AKR1C3: variants seen among roughly 807,000 people sequenced by gnomAD.
AKR1C3 encodes 3-alpha hydroxysteroid dehydrogenase, type II.
AKR1C3 carries 48 observed loss-of-function variants against 43.6 expected under a neutral mutation model. The observed-to-expected ratio is 1.10, with a 90% CI of 0.87 to 1.40. The LOEUF (loss-of-function observed/expected upper bound fraction) is 1.40, where lower values mean the gene tolerates loss of function less well. Ranked by LOEUF, AKR1C3 falls within the 40% of genes most tolerant of loss-of-function variation. The probability of loss-of-function intolerance (pLI) is 0.00; values close to 1 mark genes in which losing one functional copy is unlikely to be tolerated. For synonymous variants in AKR1C3, 162 were observed against 139.6 expected (o/e 1.16, Z -1.13); for missense variants, 482 against 391.2 (o/e 1.23, Z -1.96).
chr10:5,086,571 C>T (rs975664979), intron 1 of AKR1C3, among the ~76,000 whole-genome samples: 10 of 151,630 alleles, frequency 6.6e-5, no homozygotes, highest in East Asian at 1.9e-4. Flanking sequence ...GGGTGGAGAG[C>T]TCTGTAGGTG....
intron 7 of AKR1C3, among the ~76,000 whole-genome samples, chr10:5,103,729 TG>T (rs1202070568): frequency 6.6e-6 from 1 of 152,196 alleles, no homozygotes; most frequent in Non-Finnish European, 1.5e-5. Flanking sequence ...GGCTCAGGGC[TG>T]CCACGCCATT....
intron 1 of AKR1C3, among the ~76,000 whole-genome samples, chr10:5,066,984 C>T (rs1459679963): frequency 2.6e-5 from 4 of 152,172 alleles, no homozygotes; most frequent in African/African-American, 9.7e-5. Context: ...GTGAAGGCCT[C>T]CTGGCAATGT....
chr10:5,099,422 A>G lies in AKR1C3; in HGVS notation c.543A>G (p.Gly181=). ...TGGAGATGATCCTCAACAAGCCAGG[A>G]CTCAAGTACAAGCCTGTCTGCAACC... ...RQLEMILNKP[G]LKYKPVCNQV... Residue 181 remains glycine (G), a synonymous_variant, in exon 5 of 9, where the codon GGA becomes GGG. Coordinates refer to ENST00000380554, the MANE Select transcript of AKR1C3 (RefSeq NM_003739.6). 6.2e-7 allele frequency: 1 copy of G among 1,614,066 alleles called. No individual in the cohort carries two copies. Among genetic ancestry groups the G allele is most frequent in the Non-Finnish European group, 8.5e-7 (1 of 1,180,018 alleles).
At chr10:5,087,278 C>G (rs1295574830) in intron 1 of AKR1C3, among the ~76,000 whole-genome samples, 2 of 151,608 alleles carry the variant, frequency 1.3e-5, no homozygotes. Context: ...GACAAAGTCT[C>G]TATATTTTCT....
rs587726097 is a variant in AKR1C3 at position 5,104,799 on chromosome 10, C to T, written c.847-796C>T. Among the ~76,000 whole-genome samples the T allele has an allele frequency of 1.2e-4, 19 of 152,162 alleles. No individual in the cohort carries two copies. The South Asian group carries it at 3.9e-3, about 32-fold the overall frequency. ...ACCATATGTATTTTTAAATATTTAT[C>T]CATAGAATACTGAAAATTATTAGAA... On this transcript the variant is annotated intron_variant, in intron 7 of 8. Transcript: ENST00000380554.
In AKR1C3 at chr10:5,078,409, A is replaced by T. The variant is rs910398689; in HGVS notation, c.85-18001A>T. 9.8e-5 allele frequency among the ~76,000 whole-genome samples: 15 copies of T among 152,332 alleles called. No individual in the cohort carries two copies. In the East Asian group the frequency reaches 2.9e-3, roughly 29 times the overall value. On this transcript the variant is annotated intron_variant, in intron 1 of 8. Coordinates refer to the AKR1C3 transcript ENST00000439082. Reference sequence around the variant, plus strand: ...CAGTGAACTGATATTGCACCACTGCACTCCAGCCTGGTCAACAGAGCAAGA... The same window carrying T: ...CAGTGAACTGATATTGCACCACTGCTCTCCAGCCTGGTCAACAGAGCAAGA...
chr10:5,099,257 TTC>T lies in AKR1C3; in HGVS notation c.448-68_448-67del, dbSNP rs1485468371. ...ACTTTGAAAGTTGTTGCTCTCACAG[TTC>T]TGTCTTGCATTTACCGTGATTTGCA... is the stretch of plus-strand genomic sequence containing the variant. On this transcript the variant is annotated intron_variant, in intron 4 of 8. Coordinates refer to ENST00000380554, the MANE Select transcript of AKR1C3 (RefSeq NM_003739.6). The T allele has an allele frequency of 9.9e-5, 159 of 1,605,772 alleles. 1 individual carries two copies. Among genetic ancestry groups the T allele is most frequent in the South Asian group, 4.3e-4 (39 of 90,050 alleles).
At chr10:5,093,792 A>T (rs573792904), upstream of AKR1C3, 5 of 152,226 alleles carry the variant, frequency 3.3e-5, no homozygotes, top group South Asian at 1.0e-3. Flanking sequence ...TTTTATTTGC[A>T]CCCTCATCAG....
At chr10:5,066,529 A>AT (rs1467725485) in intron 1 of AKR1C3, among the ~76,000 whole-genome samples, 32 of 152,128 alleles carry the variant, frequency 2.1e-4, no homozygotes, top group African/African-American at 7.5e-4. Context: ...ATGGTTGCAT[A>AT]TAAGCATTTA....
Position 5,097,495 on chromosome 10 carries a change from A to G in AKR1C3, c.314A>G (p.Lys105Arg), listed in dbSNP as rs1564369122. 6.2e-7 allele frequency: 1 copy of G among 1,613,718 alleles called. No individual in the cohort carries two copies. The highest frequency in any genetic ancestry group is 8.5e-7 in the Non-Finnish European group (1 of 1,179,798). ...VRPALENSLKKAQLDYVDLYL... is the reference protein window; with the variant it reads ...VRPALENSLKRAQLDYVDLYL... ...CCAGCCTTGGAAAACTCACTGAAGA[A>G]AGCTCAATTGGACTATGTTGACCTC... Residue 105 changes from lysine (K) to arginine (R), a missense_variant, in exon 3 of 9, where the codon AAA becomes AGA. Coordinates refer to ENST00000380554, the MANE Select transcript of AKR1C3 (RefSeq NM_003739.6).
chr10:5,086,531 G>C (rs2131824623), intron 1 of AKR1C3, among the ~76,000 whole-genome samples: 1 of 151,912 alleles, frequency 6.6e-6, no homozygotes, highest in South Asian at 2.1e-4. Context: ...GTGGTGTGGT[G>C]CTGAAAAGAA....
chr10:5,100,631 A>G (rs1554785813), intron 5 of AKR1C3, among the ~76,000 whole-genome samples: 2 of 152,176 alleles, frequency 1.3e-5, no homozygotes, highest in Non-Finnish European at 2.9e-5. Context: ...TTATTCTTTT[A>G]TACAACTTAG....
At chr10:5,077,281 G>A (rs1838736180) in intron 1 of AKR1C3, among the ~76,000 whole-genome samples, 1 of 152,126 alleles carries the variant, frequency 6.6e-6, no homozygotes, top group African/African-American at 2.4e-5. Context: ...AAGAGGGTCT[G>A]TATGGATACC....
rs1343968008 is a variant in AKR1C3, at chr10:5,095,709, CTTA to C, written c.85-698_85-696del. ...TTCTGTCTTTCCTGAAAGAGATAGC[CTTA>C]TTTTTTATGGCAGAACTGTACCTTA... On this transcript the variant is annotated intron_variant, in intron 1 of 8. Transcript: ENST00000380554. Among the ~76,000 whole-genome samples, 5 of 149,742 alleles carry C rather than the reference CTTA, an allele frequency of 3.3e-5. No individual in the cohort carries two copies. In the East Asian group the frequency reaches 1.0e-3, roughly 30 times the overall value.
At chr10:5,073,560 A>AC (rs1194304197) in intron 1 of AKR1C3, among the ~76,000 whole-genome samples, 2 of 152,108 alleles carry the variant, frequency 1.3e-5, no homozygotes, top group Non-Finnish European at 2.9e-5. Flanking sequence ...TCTCAGTCTT[A>AC]CCCACATGAC....
At chr10:5,103,502 GCCTGAA>G (rs1279948944) in intron 7 of AKR1C3, among the ~76,000 whole-genome samples, 1 of 152,088 alleles carries the variant, frequency 6.6e-6, no homozygotes, top group Non-Finnish European at 1.5e-5. Context: ...CATGGCCTCA[GCCTGAA>G]CTTAGTCAAG....
At chr10:5,085,558 A>C (rs1266042452) in intron 1 of AKR1C3, among the ~76,000 whole-genome samples, 1 of 151,780 alleles carries the variant, frequency 6.6e-6, no homozygotes, top group African/African-American at 2.4e-5. Flanking sequence ...TGTCTCTGCC[A>C]GGCTTTGGTA....
chr10:5,079,795 T>C (rs563519806), intron 1 of AKR1C3, among the ~76,000 whole-genome samples: 1 of 152,290 alleles, frequency 6.6e-6, no homozygotes, highest in African/African-American at 2.4e-5. Flanking sequence ...CTGGTCCTGC[T>C]TGGAGTCTCA....
rs1194793943 is a variant in AKR1C3 at position 5,106,328 on chromosome 10, GGAGTGT to G, written c.929+659_929+664del. Among the ~76,000 whole-genome samples, 9 of 152,264 alleles carry G rather than the reference GGAGTGT, an allele frequency of 5.9e-5. No homozygotes were observed. The South Asian group carries it at 1.2e-3, about 21-fold the overall frequency. On this transcript the variant is annotated intron_variant, in intron 8 of 8. Transcript: ENST00000380554. ...AGAATTTAAAAAAATTTAAAATCAAGGAGTGTGAGTGTGGAGGCAGAAGCTCCATTG... is the reference window on the plus strand; with the variant it reads ...AGAATTTAAAAAAATTTAAAATCAAGGAGTGTGGAGGCAGAAGCTCCATTG...
Sources: gnomAD v4.1 joint callset for allele counts (sites outside exome capture counted in the v4.1 genomes callset) on GRCh38, gnomAD v4.1.1 for gene constraint, MANE v1.5 for transcripts, NCBI Gene and HGNC (gene_info 2026-07-23, HGNC 2026-07-21) for gene names.